The following BACH2 variants were observed in gnomAD, a reference collection of about 807,000 sequenced individuals.
BACH2 encodes BACH transcriptional regulator 2.
BACH2 carries 5 observed loss-of-function variants against 61.8 expected under a neutral mutation model. The observed-to-expected ratio is 0.08, with a 90% CI of 0.04 to 0.17. The LOEUF (loss-of-function observed/expected upper bound fraction) is 0.17. Among genes scored for constraint, BACH2 ranks in the 10% least tolerant of loss-of-function variants. BACH2 has a pLI of 1.00. For synonymous variants in BACH2, 446 were observed against 440.1 expected (o/e 1.01, Z -0.17); for missense variants, 824 against 1,091.1 (o/e 0.76, Z 3.45).
chr6:90,188,488 T>C (rs931750795), intron 4 of BACH2, among the ~76,000 whole-genome samples: 23 of 151,866 alleles, frequency 1.5e-4, no homozygotes, highest in African/African-American at 5.3e-4. Context: ...TTCATATCTA[T>C]TAAAATACAT....
At chr6:90,002,851 A>C (rs895852123) in intron 6 of BACH2, among the ~76,000 whole-genome samples, 8 of 152,108 alleles carry the variant, frequency 5.3e-5, no homozygotes, top group Non-Finnish European at 1.2e-4. Flanking sequence ...CGCTTCACCC[A>C]TCTCAGTTAA....
At chr6:90,074,325 T>C (rs2100150486) in intron 5 of BACH2, among the ~76,000 whole-genome samples, 2 of 152,210 alleles carry the variant, frequency 1.3e-5, no homozygotes, top group Admixed American at 1.3e-4. Flanking sequence ...CATGTCTTTA[T>C]AGGATCTCTG....
chr6:89,970,340 G>T (rs2128360935), intron 6 of BACH2, among the ~76,000 whole-genome samples: 1 of 152,316 alleles, frequency 6.6e-6, no homozygotes, highest in South Asian at 2.1e-4. Context: ...CTGACTCTTG[G>T]CGGGCAGAGC....
At chr6:90,052,772 T>C (rs1201782627) in intron 5 of BACH2, among the ~76,000 whole-genome samples, 1 of 152,232 alleles carries the variant, frequency 6.6e-6, no homozygotes, top group Non-Finnish European at 1.5e-5. Flanking sequence ...TCCTTTTTGA[T>C]TGGTATTTGC....
intron 3 of BACH2, among the ~76,000 whole-genome samples, chr6:90,222,433 G>T (rs1769764720): frequency 2.0e-5 from 3 of 152,206 alleles, no homozygotes; most frequent in East Asian, 3.8e-4. Flanking sequence ...AGAGTCAGAA[G>T]ATACTTGTAA....
intron 5 of BACH2, among the ~76,000 whole-genome samples, chr6:90,041,306 TA>T (rs1033668937): frequency 8.6e-5 from 13 of 150,982 alleles, no homozygotes; most frequent in African/African-American, 3.2e-4. Context: ...ATAATATATA[TA>T]ATAATAATTT....
chr6:90,094,344 C>T (rs540366909), intron 4 of BACH2, among the ~76,000 whole-genome samples: 180 of 152,206 alleles, frequency 1.2e-3, no homozygotes, highest in Non-Finnish European at 1.8e-3. Context: ...TGAGGAAAGC[C>T]CCATTTGCCT....
chr6:90,217,037 T>C (rs780773675), intron 3 of BACH2, among the ~76,000 whole-genome samples: 6 of 152,174 alleles, frequency 3.9e-5, no homozygotes, highest in Non-Finnish European at 7.3e-5. Context: ...ACCATGCAAC[T>C]TGGGGTCCCC....
At chr6:90,167,149 A>T (rs9451366) in intron 4 of BACH2, among the ~76,000 whole-genome samples, 2,213 of 152,248 alleles carry the variant, frequency 0.015, 58 homozygotes, top group African/African-American at 0.049. Flanking sequence ...CTCTCAAAAA[A>T]TTCCTGATGT....
chr6:89,999,037 C>T (rs1776995864), intron 6 of BACH2, among the ~76,000 whole-genome samples: 1 of 152,212 alleles, frequency 6.6e-6, no homozygotes, highest in Non-Finnish European at 1.5e-5. Flanking sequence ...AGAACAAAAA[C>T]TGACTCTTGG....
Position 90,260,835 on chromosome 6 carries a change from G to T in BACH2, c.-352-8245C>A, listed in dbSNP as rs537173509. On this transcript the variant is annotated intron_variant, in intron 2 of 8. Transcript: ENST00000257749. ...TGGACATGGAGAGGAAAGGAAGAAGGAATGGCTAGGAAGTCTTGGATTCCA... is the reference window on the plus strand; with the variant it reads ...TGGACATGGAGAGGAAAGGAAGAAGTAATGGCTAGGAAGTCTTGGATTCCA... 5.3e-5 allele frequency among the ~76,000 whole-genome samples: 8 copies of T among 152,300 alleles called. No individual in the cohort carries two copies. The East Asian group carries it at 1.5e-3, about 29-fold the overall frequency.
intron 4 of BACH2, among the ~76,000 whole-genome samples, chr6:90,151,122 A>G (rs1784796114): frequency 6.6e-6 from 1 of 152,066 alleles, no homozygotes; most frequent in Non-Finnish European, 1.5e-5. Flanking sequence ...AGATCTTTCC[A>G]CTTTTTGGCA....
At chr6:90,034,971 G>T (rs1272525856) in intron 5 of BACH2, among the ~76,000 whole-genome samples, 1 of 152,024 alleles carries the variant, frequency 6.6e-6, no homozygotes, top group Admixed American at 6.6e-5. Context: ...TGCAAACATA[G>T]AAACATAACC....
chr6:90,251,158 T>C (rs1036354809), intron 3 of BACH2, among the ~76,000 whole-genome samples: 4 of 148,094 alleles, frequency 2.7e-5, no homozygotes, highest in African/African-American at 1.0e-4. Flanking sequence ...ATAATCAACT[T>C]TTTTTTTTTA....
chr6:90,231,774 T>C (rs931897673), intron 3 of BACH2, among the ~76,000 whole-genome samples: 1 of 152,226 alleles, frequency 6.6e-6, no homozygotes, highest in African/African-American at 2.4e-5. Flanking sequence ...AGCAAATCAC[T>C]GTGTATTCTA....
chr6:90,163,014 C>G (rs531484898), intron 4 of BACH2, among the ~76,000 whole-genome samples: 3 of 152,200 alleles, frequency 2.0e-5, no homozygotes, highest in South Asian at 4.2e-4. Flanking sequence ...CCTAAGTTCC[C>G]GAAAAGCTTA....
rs1477218353 is a variant in BACH2 at position 89,951,479 on chromosome 6, C to G, written c.627G>C (p.Glu209Asp). 1 of 1,614,118 alleles carries G rather than the reference C, an allele frequency of 6.2e-7. No individual in the cohort carries two copies. The highest frequency in any genetic ancestry group is 8.5e-7 in the Non-Finnish European group (1 of 1,180,056). Residue 209 changes from glutamate to aspartate, a missense_variant, in exon 7 of 9, where the codon GAG (glutamate) becomes GAC (aspartate). By Grantham distance (45) the Glu-to-Asp change is conservative. Coordinates refer to ENST00000257749, the MANE Select transcript of BACH2 (RefSeq NM_021813.4). This position sits in a 1 kb window ranked among gnomAD's most constrained non-coding sequence, Gnocchi z 6.4. ...VAEKEEALLP[E>D]PDVPTDTKES... ...CCTTGGTGTCTGTGGGCACGTCAGG[C>G]TCGGGCAGCAGGGCTTCTTCCTTCT...
chr6:90,291,838 G>A (rs1302037207), intron 1 of BACH2, among the ~76,000 whole-genome samples: 2 of 152,112 alleles, frequency 1.3e-5, no homozygotes, highest in Admixed American at 6.5e-5. Flanking sequence ...TGTGGCCCCA[G>A]CTCTGCCAAA....
Position 89,930,604 on chromosome 6 carries a change from TG to T in BACH2, c.*1803del, listed in dbSNP as rs1262822093. On this transcript the variant is annotated 3_prime_UTR_variant, in exon 9 of 9. Transcript: ENST00000257749. Reference sequence around the variant, plus strand: ...GCGAGGGAGCTGATTCCTCCTCCTCTGGGGCACACCTTCCTGTAAACGTGGC... The same window carrying T: ...GCGAGGGAGCTGATTCCTCCTCCTCTGGGCACACCTTCCTGTAAACGTGGC... The T allele has an allele frequency of 6.5e-6, 1 of 152,778 alleles. No homozygotes were observed. The highest frequency in any genetic ancestry group is 2.4e-5 in the African/African-American group (1 of 41,454). 9.5% of individuals were successfully genotyped at this position (152,778 alleles called of 1,614,324 possible).
Sources: gnomAD v4.1 joint callset for allele counts (sites outside exome capture counted in the v4.1 genomes callset) on GRCh38, gnomAD v4.1.1 for gene constraint, Gnocchi (gnomAD v3.1) non-coding constraint, MANE v1.5 for transcripts, NCBI Gene and HGNC (gene_info 2026-07-23, HGNC 2026-07-21) for gene names.